Variants in BANP observed in about 807,000 individuals in gnomAD.
BANP encodes BTG3 associated nuclear protein.
A neutral mutation model predicts 68.1 loss-of-function variants in BANP; 11 were observed. That is an observed-to-expected ratio of 0.16 (90% CI 0.10 to 0.27). The LOEUF is 0.27. Ranked by LOEUF, BANP falls within the 10% of genes least tolerant of loss-of-function variation. The pLI is 1.00. For missense variants in BANP, 504 were observed against 722.7 expected (o/e 0.70, Z 3.47); for synonymous variants, 329 against 303.2 (o/e 1.09, Z -0.88).
intron 8 of BANP, among the ~76,000 whole-genome samples, chr16:88,029,809 G>T (rs1184858092): frequency 3.9e-5 from 6 of 152,208 alleles, no homozygotes; most frequent in Non-Finnish European, 7.3e-5. Context: ...GAGATACCGG[G>T]CAGAGACACC....
chr16:88,018,196 C>T lies in BANP; in HGVS notation c.656-232C>T, dbSNP rs2075034396. 6.6e-6 allele frequency among the ~76,000 whole-genome samples: 1 copy of T among 151,954 alleles called. No individual in the cohort carries two copies. The highest frequency in any genetic ancestry group is 2.4e-5 in the African/African-American group (1 of 41,352). On this transcript the variant is annotated intron_variant, in intron 6 of 13. Transcript: ENST00000682872. The surrounding 1 kb of genome is among the most constrained non-coding windows in gnomAD (Gnocchi z 7.7). Reference sequence around the variant, plus strand: ...TCCCGAGGCCCTGCAGCCCCACAGGCACGTGGCCGCTTCTCGGGGGTGGTG... The same window carrying T: ...TCCCGAGGCCCTGCAGCCCCACAGGTACGTGGCCGCTTCTCGGGGGTGGTG...
At chr16:87,971,242 G>A (rs970951563) in intron 1 of BANP, among the ~76,000 whole-genome samples, 1 of 152,160 alleles carries the variant, frequency 6.6e-6, no homozygotes, top group Non-Finnish European at 1.5e-5. Flanking sequence ...CATTGTGTCT[G>A]CGTTTAGCAC....
At chr16:87,994,885 C>T (rs1453059450) in intron 4 of BANP, among the ~76,000 whole-genome samples, 3 of 152,178 alleles carry the variant, frequency 2.0e-5, no homozygotes, top group Non-Finnish European at 4.4e-5. Context: ...TGAGCCATGG[C>T]AGTAGAGGGT....
In BANP at chr16:88,076,827, G is replaced by A; in HGVS notation, c.*166G>A. The A allele has an allele frequency of 3.3e-6, 2 of 604,738 alleles. No individual in the cohort carries two copies. The highest frequency in any genetic ancestry group is 2.8e-6 in the Non-Finnish European group (1 of 354,146). The allele number at this position is 604,738 out of a possible 1,614,324, so 37.5% of individuals were successfully genotyped here. On this transcript the variant is annotated 3_prime_UTR_variant, in exon 14 of 14. Coordinates refer to ENST00000682872, the MANE Select transcript of BANP (RefSeq NM_001386991.1). ...GAACAGCATCCTATCAACTGAAAGA[G>A]CAGCCGCCGCCGCCCCCAGCCGGAG...
chr16:88,067,490 C>T (rs999229135), intron 12 of BANP, among the ~76,000 whole-genome samples: 1 of 152,160 alleles, frequency 6.6e-6, no homozygotes, highest in African/African-American at 2.4e-5. Flanking sequence ...CTGAGGGGCT[C>T]TAGGCCGGCC....
At chr16:88,001,368 G>C (rs1305595545) in intron 4 of BANP, among the ~76,000 whole-genome samples, 2 of 151,842 alleles carry the variant, frequency 1.3e-5, no homozygotes, top group East Asian at 3.9e-4. Flanking sequence ...GTGCGTGGCT[G>C]GACTTACCTG....
At chr16:88,072,382 G>A (rs574629771) in intron 13 of BANP, among the ~76,000 whole-genome samples, 170 bp downstream of exon 13, 126 of 152,390 alleles carry the variant, frequency 8.3e-4, no homozygotes, top group African/African-American at 2.9e-3. Flanking sequence ...CACCGTGAAC[G>A]TGAAGGTGAG....
chr16:87,995,335 C>T (rs1427840179), intron 4 of BANP, among the ~76,000 whole-genome samples: 3 of 152,180 alleles, frequency 2.0e-5, no homozygotes, highest in Non-Finnish European at 4.4e-5. Context: ...AAGTACATTA[C>T]GTCAAACCAG....
chr16:88,012,321 C>G (rs1462971646), intron 6 of BANP, among the ~76,000 whole-genome samples: 1 of 152,192 alleles, frequency 6.6e-6, no homozygotes, highest in African/African-American at 2.4e-5. Context: ...AATTCATAAA[C>G]AGCTTGAGTA....
intron 3 of BANP, among the ~76,000 whole-genome samples, chr16:87,983,559 G>A (rs542334999): frequency 1.2e-3 from 184 of 152,142 alleles, no homozygotes; most frequent in African/African-American, 4.3e-3. Flanking sequence ...CAAGCTTGCC[G>A]CTCAAGAGCC....
At position 88,076,669 on chromosome 16, in the gene BANP, C is replaced by G. The variant is rs370081613; in HGVS notation, c.*8C>G. 60 of 1,605,158 alleles carry G rather than the reference C, an allele frequency of 3.7e-5. No individual in the cohort carries two copies. The highest frequency in any genetic ancestry group is 4.8e-5 in the Non-Finnish European group (56 of 1,178,872). On this transcript the variant is annotated 3_prime_UTR_variant, in exon 14 of 14. Transcript: ENST00000682872. ...GCCATCCAGATTCAGTGAGCGGTGC[C>G]CATGGCACCAGGAGCCCCTCGCCGG...
intron 11 of BANP, among the ~76,000 whole-genome samples, chr16:88,045,232 G>GA (rs1365107612): frequency 7.9e-5 from 12 of 152,350 alleles, no homozygotes; most frequent in Non-Finnish European, 1.6e-4. Context: ...GTTTTCCTGA[G>GA]AACTGCAGTC....
At chr16:88,008,055 C>T (rs1464651025) in intron 6 of BANP, among the ~76,000 whole-genome samples, 1 of 152,216 alleles carries the variant, frequency 6.6e-6, no homozygotes, top group African/African-American at 2.4e-5. Flanking sequence ...CCAGCCCCGG[C>T]ACCCAGCTCA....
intron 11 of BANP, among the ~76,000 whole-genome samples, chr16:88,052,459 A>G (rs1238113096): frequency 6.6e-6 from 1 of 152,068 alleles, no homozygotes; most frequent in African/African-American, 2.4e-5. Flanking sequence ...GAGCTTTTCT[A>G]GGACCGTTCA....
chr16:88,032,049 C>G (rs1212426515), intron 8 of BANP, among the ~76,000 whole-genome samples: 1 of 152,148 alleles, frequency 6.6e-6, no homozygotes, highest in Non-Finnish European at 1.5e-5. Context: ...AGTGATCTTG[C>G]CCGCCTTGGC....
intron 4 of BANP, among the ~76,000 whole-genome samples, chr16:87,984,872 G>T (rs576521543): frequency 3.3e-5 from 5 of 152,304 alleles, no homozygotes; most frequent in Non-Finnish European, 7.3e-5. Context: ...CCTTCCCCAC[G>T]CCTGGCCAGA....
chr16:88,026,361 T>C (rs1261988676), intron 7 of BANP, among the ~76,000 whole-genome samples: 2 of 152,160 alleles, frequency 1.3e-5, no homozygotes, highest in Non-Finnish European at 1.5e-5. Context: ...GGGAATGACA[T>C]AAGCAAGCCC....
intron 6 of BANP, 35 bp downstream of exon 6, chr16:88,006,300 C>A: frequency 1.3e-6 from 2 of 1,553,414 alleles, no homozygotes; most frequent in East Asian, 4.5e-5. Context: ...GCCAGAGCGC[C>A]AGTACAATTG....
At chr16:87,960,884 G>T (rs1382317416) in intron 1 of BANP, among the ~76,000 whole-genome samples, 1 of 152,252 alleles carries the variant, frequency 6.6e-6, no homozygotes, top group Non-Finnish European at 1.5e-5. Context: ...TTTGTTGCCA[G>T]TGATAAAGTT....
Sources: gnomAD v4.1 joint callset for allele counts (sites outside exome capture counted in the v4.1 genomes callset) on GRCh38, gnomAD v4.1.1 for gene constraint, Gnocchi (gnomAD v3.1) non-coding constraint, MANE v1.5 for transcripts, NCBI Gene and HGNC (gene_info 2026-07-23, HGNC 2026-07-21) for gene names.